Variants in SUSD4 observed in about 807,000 individuals in gnomAD.
SUSD4 encodes the protein sushi domain-containing protein 4.
A neutral mutation model predicts 50.5 loss-of-function variants in SUSD4; 41 were observed. That is an observed-to-expected ratio of 0.81 (90% CI 0.63 to 1.05). SUSD4 has a LOEUF of 1.05. Among genes scored for constraint, SUSD4 ranks in the 50% least tolerant of loss-of-function variants. SUSD4 has a pLI of 0.00. For missense variants in SUSD4, 580 were observed against 634.7 expected, an observed-to-expected ratio of 0.91 and a Z score of 0.93; for synonymous variants, 257 against 257.3, an observed-to-expected ratio of 1.00 and a Z score of 0.01.
chr1:223,316,545 G>T (rs1338765518), intron 2 of SUSD4, among the ~76,000 whole-genome samples: 8 of 152,120 alleles, frequency 5.3e-5, no homozygotes, highest in Non-Finnish European at 4.4e-5. Flanking sequence ...CCCTGGAGAA[G>T]CCCGTTGACC....
intron 5 of SUSD4, among the ~76,000 whole-genome samples, chr1:223,237,524 T>C (rs1294563977): frequency 6.6e-6 from 1 of 151,998 alleles, no homozygotes; most frequent in Non-Finnish European, 1.5e-5. Context: ...ATGTTGCCCT[T>C]TATTTCTAGT....
chr1:223,225,605 A>G (rs1243280981), intron 7 of SUSD4, among the ~76,000 whole-genome samples: 1 of 152,096 alleles, frequency 6.6e-6, no homozygotes, highest in African/African-American at 2.4e-5. Context: ...CTTGACAATG[A>G]TGCTCCCTTC....
chr1:223,228,951 C>A (rs947672490), intron 6 of SUSD4, among the ~76,000 whole-genome samples: 7 of 151,696 alleles, frequency 4.6e-5, no homozygotes, highest in African/African-American at 1.7e-4. Context: ...GGTCCCTAGG[C>A]CCCTAGCATC....
intron 3 of SUSD4, chr1:223,289,314 T>C (rs1664335001): frequency 1.0e-6 from 1 of 985,210 alleles, no homozygotes; most frequent in African/African-American, 1.7e-5. Flanking sequence ...GTTGGAGACT[T>C]TGGGGGCCAT....
At chr1:223,336,086 A>C (rs554111378) in intron 2 of SUSD4, among the ~76,000 whole-genome samples, 81 of 152,162 alleles carry the variant, frequency 5.3e-4, no homozygotes, top group African/African-American at 1.9e-3. Context: ...CCAAGATGTA[A>C]ATAATGACAG....
chr1:223,223,126 G>C (rs1659236568), intron 8 of SUSD4, 123 bp downstream of exon 8: 1 of 1,368,554 alleles, frequency 7.3e-7, no homozygotes, highest in African/African-American at 1.4e-5. Context: ...AGCTGAGTGA[G>C]AGGTAAACAG....
chr1:223,308,898 C>G (rs1048977668), intron 2 of SUSD4, among the ~76,000 whole-genome samples: 1 of 152,176 alleles, frequency 6.6e-6, no homozygotes, highest in African/African-American at 2.4e-5. Context: ...CAAAAGTTAT[C>G]TCCCAGAAAA....
rs534258038 is a variant in SUSD4 at position 223,267,427 on chromosome 1, T to A, written c.535+1075A>T. ...TGAAACGGATCAGCAGGTAATAAAG[T>A]TTATTTGAATAAGCAGCCCAACTTA... is the stretch of plus-strand genomic sequence containing the variant. On this transcript the variant is annotated intron_variant, in intron 4 of 8. Transcript: ENST00000366878. Among the ~76,000 whole-genome samples, 140 of 152,192 alleles carry A rather than the reference T, an allele frequency of 9.2e-4. 1 individual carries two copies. The South Asian group carries it at 0.029, about 31-fold the overall frequency.
At chr1:223,301,258 C>T (rs1285990766) in intron 2 of SUSD4, among the ~76,000 whole-genome samples, 1 of 152,184 alleles carries the variant, frequency 6.6e-6, no homozygotes, top group Non-Finnish European at 1.5e-5. Context: ...ATGTTTCCCC[C>T]AAAGCCCACA....
intron 5 of SUSD4, among the ~76,000 whole-genome samples, chr1:223,253,272 A>G (rs1558184152): frequency 1.3e-5 from 2 of 152,076 alleles, no homozygotes; most frequent in African/African-American, 4.8e-5. Context: ...ATGTGGGCAC[A>G]GTTCGGAGTC....
intron 2 of SUSD4, among the ~76,000 whole-genome samples, chr1:223,318,798 A>C (rs1172420608): frequency 1.4e-5 from 2 of 146,022 alleles, no homozygotes; most frequent in Non-Finnish European, 3.0e-5. Context: ...AATTGGAAAA[A>C]ACTACTTTAA....
At position 223,227,343 on chromosome 1, in the gene SUSD4, C is replaced by T. The variant is rs544314827; in HGVS notation, c.1061+251G>A. Among the ~76,000 whole-genome samples, 453 of 152,228 alleles carry T rather than the reference C, an allele frequency of 3.0e-3. 5 individuals carry two copies. The highest frequency in any genetic ancestry group is 0.011 in the African/African-American group (445 of 41,546). On this transcript the variant is annotated intron_variant, in intron 7 of 8. Coordinates refer to ENST00000366878, the MANE Select transcript of SUSD4 (RefSeq NM_017982.4). The surrounding 1 kb of genome is among the most constrained non-coding windows in gnomAD (Gnocchi z 4.5). ...TGTAGCCCTAACTCTGTGATCCCAT[C>T]GCTAGCCCCCCATGATGCCCACCTG...
chr1:223,275,577 AAG>A (rs1439118059), intron 3 of SUSD4, among the ~76,000 whole-genome samples: 1 of 152,224 alleles, frequency 6.6e-6, no homozygotes, highest in Non-Finnish European at 1.5e-5. Flanking sequence ...TGCACATGGT[AAG>A]CATCTCAAGG....
intron 4 of SUSD4, among the ~76,000 whole-genome samples, chr1:223,267,294 A>G (rs148535850): frequency 1.3e-5 from 2 of 152,312 alleles, no homozygotes; most frequent in East Asian, 3.9e-4. Flanking sequence ...ACAGAAAAGG[A>G]AACAGAAAGG....
At chr1:223,244,730 A>C (rs1660806436) in intron 5 of SUSD4, among the ~76,000 whole-genome samples, 1 of 152,134 alleles carries the variant, frequency 6.6e-6, no homozygotes, top group Admixed American at 6.5e-5. Context: ...TGTCCCCGCA[A>C]TCATAGGCAG....
At chr1:223,330,269 A>C (rs915611174) in intron 2 of SUSD4, among the ~76,000 whole-genome samples, 3 of 152,312 alleles carry the variant, frequency 2.0e-5, no homozygotes, top group Admixed American at 6.5e-5. Flanking sequence ...GAAAGCTATA[A>C]AAGGTCCAAA....
At chr1:223,264,548 A>G (rs1302999653) in intron 5 of SUSD4, 82 bp downstream of exon 5, 19 of 1,563,286 alleles carry the variant, frequency 1.2e-5, no homozygotes, top group Non-Finnish European at 1.6e-5. Context: ...GCCCATCATA[A>G]TTCACAGCTC....
intron 2 of SUSD4, among the ~76,000 whole-genome samples, chr1:223,358,315 C>T (rs1380292970): frequency 6.6e-6 from 1 of 152,128 alleles, no homozygotes; most frequent in East Asian, 1.9e-4. Flanking sequence ...TAGAATCCAT[C>T]AAATTCCTGT....
intron 3 of SUSD4, among the ~76,000 whole-genome samples, chr1:223,269,387 G>C (rs191507156): frequency 6.6e-6 from 1 of 152,134 alleles, no homozygotes; most frequent in Admixed American, 6.6e-5. Context: ...GTGAAGGAAC[G>C]ACGAGCCCAT....
Sources: gnomAD v4.1 joint callset for allele counts (sites outside exome capture counted in the v4.1 genomes callset) on GRCh38, gnomAD v4.1.1 for gene constraint, Gnocchi (gnomAD v3.1) non-coding constraint, MANE v1.5 for transcripts, NCBI Gene and HGNC (gene_info 2026-07-23, HGNC 2026-07-21) for gene names.